SREBF1: variants seen among roughly 807,000 people sequenced by gnomAD.
The protein encoded by SREBF1 is sterol regulatory element-binding protein 1.
In SREBF1, 45 loss-of-function variants were observed where a neutral mutation model predicts 100.1. The observed-to-expected ratio is 0.45, with a 90% CI of 0.35 to 0.58. The LOEUF (loss-of-function observed/expected upper bound fraction) is 0.58. Ranked by LOEUF, SREBF1 falls within the 20% of genes least tolerant of loss-of-function variation. The probability of loss-of-function intolerance (pLI) is 0.00; values close to 1 mark genes in which losing one functional copy is unlikely to be tolerated. For missense variants in SREBF1, 1,324 were observed against 1,539.4 expected (o/e 0.86, Z 2.34); for synonymous variants, 657 against 681.8 (o/e 0.96, Z 0.57).
chr17:17,820,072 G>A lies in SREBF1; in HGVS notation c.523+18C>T, dbSNP rs767798892. On this transcript the variant is annotated intron_variant, in intron 2 of 18. Coordinates refer to ENST00000261646, the MANE Select transcript of SREBF1 (RefSeq NM_004176.5). ...AGCCCCACCCCGGGTGTCCCCTCCCGCCACACATCCCCCTTACCTGTAGAG... is the reference window on the plus strand; with the variant it reads ...AGCCCCACCCCGGGTGTCCCCTCCCACCACACATCCCCCTTACCTGTAGAG... 25 of 1,603,624 alleles carry A rather than the reference G, an allele frequency of 1.6e-5. No individual in the cohort carries two copies. Among genetic ancestry groups the A allele is most frequent in the African/African-American group, 4.0e-5 (3 of 74,682 alleles).
At position 17,815,964 on chromosome 17, in the gene SREBF1, A is replaced by C. The variant is rs990976202; in HGVS notation, c.2279T>G (p.Met760Arg). 1 of 1,612,842 alleles carries C rather than the reference A, an allele frequency of 6.2e-7. No homozygotes were observed. Among genetic ancestry groups the C allele is most frequent in the Non-Finnish European group, 8.5e-7 (1 of 1,179,900 alleles). Residue 760 changes from methionine to arginine, a missense_variant, in exon 12 of 19, where the codon ATG becomes AGG. Transcript: ENST00000261646. ...GCCCACGGGGTGGCAGAGCCACTGC[A>C]TGGCAGGAGGCACTGAGCCACTCTG... ...LAQSGSVPPA[M>R]QWLCHPVGHR...
At chr17:17,820,013 C>A in intron 2 of SREBF1, 77 bp downstream of exon 2, 2 of 1,464,658 alleles carry the variant, frequency 1.4e-6, no homozygotes, top group Non-Finnish European at 1.8e-6. Context: ...CCTCTACTCA[C>A]ATCACAGCAG....
chr17:17,812,757 C>T lies in SREBF1; in HGVS notation c.3309G>A (p.Ser1103=), dbSNP rs1419019785. 2 of 1,542,798 alleles carry T rather than the reference C, an allele frequency of 1.3e-6. No homozygotes were observed. The highest frequency in any genetic ancestry group is 8.7e-7 in the Non-Finnish European group (1 of 1,144,158). Residue 1103 remains serine (S), a synonymous_variant, in exon 19 of 19, where the codon TCG becomes TCA. Coordinates refer to ENST00000261646, the MANE Select transcript of SREBF1 (RefSeq NM_004176.5). ...ASCYLPPGFL[S]APGQRVGMLA... is the part of the protein sequence containing the mutation. ...GCATGCCCACGCGCTGCCCGGGCGC[C>T]GACAGGAAGCCGGGGGGCAGGTAGC...
chr17:17,813,655 C>A lies in SREBF1; in HGVS notation c.3016G>T (p.Ala1006Ser), dbSNP rs577962730. The stretch of plus-strand genomic sequence containing the variant: ...AAGCCACGCAGCTCAAGGGCGGAAG[C>A]CTGGGGCCTGCTGCTGGTGCCCTGG... ...AAQGTSSRPQ[A>S]SALELRGFQR... Residue 1006 changes from alanine to serine, a missense_variant, in exon 17 of 19, where the codon GCT (alanine) becomes TCT (serine). Coordinates refer to ENST00000261646, the MANE Select transcript of SREBF1 (RefSeq NM_004176.5). 9.0e-5 allele frequency: 140 copies of A among 1,559,648 alleles called. No individual in the cohort carries two copies. In the South Asian group the frequency reaches 1.5e-3, roughly 17 times the overall value.
At chr17:17,823,932 A>G (rs2034316611) in intron 1 of SREBF1, among the ~76,000 whole-genome samples, 1 of 152,018 alleles carries the variant, frequency 6.6e-6, no homozygotes, top group Non-Finnish European at 1.5e-5. Flanking sequence ...TGCCGGGGTT[A>G]CTGGCGGTCA....
intron 1 of SREBF1, among the ~76,000 whole-genome samples, chr17:17,830,231 G>A (rs1388628394): frequency 6.6e-6 from 1 of 152,118 alleles, no homozygotes; most frequent in Non-Finnish European, 1.5e-5. Flanking sequence ...GCCTTGCTAT[G>A]TTGCCCAGGC....
Position 17,816,198 on chromosome 17 carries a change from C to CCCCCCCACCCCCGCCACCCCACACCCCGG in SREBF1, c.2214+8_2214+9insCCGGGGTGTGGGGTGGCGGGGGTGGGGGG. ...CAGGGATAAGCCCCCAGCCCCCCAACCCACTCACTGTCAGAAAATGCAAGG... is the reference window on the plus strand; with the variant it reads ...CAGGGATAAGCCCCCAGCCCCCCAACCCCCCCACCCCCGCCACCCCACACCCCGGCCACTCACTGTCAGAAAATGCAAGG... On this transcript the variant is annotated intron_variant, in intron 11 of 18. Coordinates refer to ENST00000261646, the MANE Select transcript of SREBF1 (RefSeq NM_004176.5). 1 of 1,512,920 alleles carries CCCCCCCACCCCCGCCACCCCACACCCCGG rather than the reference C, an allele frequency of 6.6e-7. No homozygotes were observed. Among genetic ancestry groups the CCCCCCCACCCCCGCCACCCCACACCCCGG allele is most frequent in the Non-Finnish European group, 9.0e-7 (1 of 1,112,208 alleles). 93.7% of individuals were successfully genotyped at this position (1,512,920 alleles called of 1,614,324 possible). A position where few individuals can be genotyped will look rare whatever the true frequency, so the allele number is the denominator to read the frequency against.
At chr17:17,826,885 CT>C (rs931493035) in intron 1 of SREBF1, among the ~76,000 whole-genome samples, 2 of 152,238 alleles carry the variant, frequency 1.3e-5, no homozygotes, top group Admixed American at 1.3e-4. Context: ...CAAACAAGGC[CT>C]TGAACCCCAA....
chr17:17,813,515 A>G (rs1280374863), intron 17 of SREBF1, 36 bp from the exon 18 acceptor site: 1 of 1,589,066 alleles, frequency 6.3e-7, no homozygotes, highest in South Asian at 1.1e-5. Context: ...AGGGCTCTCC[A>G]TCTCCACCAC....
chr17:17,823,933 C>G (rs1365069241), intron 1 of SREBF1, among the ~76,000 whole-genome samples: 1 of 152,110 alleles, frequency 6.6e-6, no homozygotes, highest in Non-Finnish European at 1.5e-5. Context: ...GCCGGGGTTA[C>G]TGGCGGTCAC....
Position 17,813,493 on chromosome 17 carries a change from G to C in SREBF1, c.3103-14C>G. Reference sequence around the variant, plus strand: ...ATGTAGGAACACCTGGGGGCCAGGAGAGTGGAGGCTCAGGGCTCTCCATCT... The same window carrying C: ...ATGTAGGAACACCTGGGGGCCAGGACAGTGGAGGCTCAGGGCTCTCCATCT... On this transcript the variant is annotated splice_polypyrimidine_tract_variant and intron_variant, in intron 17 of 18. Transcript: ENST00000261646. The C allele has an allele frequency of 6.3e-7, 1 of 1,592,820 alleles. No homozygotes were observed. The highest frequency in any genetic ancestry group is 8.5e-7 in the Non-Finnish European group (1 of 1,169,736).
In SREBF1 at chr17:17,816,386, C is replaced by T. The variant is rs759764219; in HGVS notation, c.2048-13G>A. On this transcript the variant is annotated splice_polypyrimidine_tract_variant and intron_variant, in intron 10 of 18. Transcript: ENST00000261646. ...CCTGTGTGCTTCCCTGGAAGGCAAG[C>T]AGGCATGAGGCTGTGGGTGGAGCAC... is the stretch of plus-strand genomic sequence containing the variant. 6.3e-7 allele frequency: 1 copy of T among 1,593,202 alleles called. No homozygotes were observed. Among genetic ancestry groups the T allele is most frequent in the South Asian group, 1.1e-5 (1 of 88,174 alleles).
Position 17,811,810 on chromosome 17 carries a change from A to AGAAG in SREBF1, c.*808_*811dup, listed in dbSNP as rs1269066995. The AGAAG allele has an allele frequency of 6.6e-6, 3 of 451,828 alleles. No homozygotes were observed. The highest frequency in any genetic ancestry group is 1.3e-5 in the Non-Finnish European group (3 of 224,962). The allele number at this position is 451,828 out of a possible 1,614,324, so 28.0% of individuals were successfully genotyped here. A position where few individuals can be genotyped will look rare whatever the true frequency, so the allele number is the denominator to read the frequency against. On this transcript the variant is annotated 3_prime_UTR_variant, in exon 19 of 19. Transcript: ENST00000261646. ...CTGATGGGGACAGAGCTGGGAGGTGAGAAGGGACAACTGACCCCATGGAGG... is the reference window on the plus strand; with the variant it reads ...CTGATGGGGACAGAGCTGGGAGGTGAGAAGGAAGGGACAACTGACCCCATGGAGG...
intron 1 of SREBF1, 79 bp downstream of exon 1, chr17:17,836,648 A>G: frequency 7.1e-7 from 1 of 1,418,336 alleles, no homozygotes; most frequent in Non-Finnish European, 9.6e-7. Context: ...CGTGGGGGAG[A>G]CAAAGGCCAG....
chr17:17,815,122 T>C, intron 13 of SREBF1, 99 bp downstream of exon 13: 1 of 1,303,046 alleles, frequency 7.7e-7, no homozygotes, highest in Non-Finnish European at 1.1e-6. Context: ...GCACGCACGG[T>C]AGCCCAGCTC....
rs756329553 is a variant in SREBF1 at position 17,818,273 on chromosome 17, A to G, written c.1170T>C (p.Ala390=). The G allele has an allele frequency of 4.6e-5, 75 of 1,613,808 alleles. No homozygotes were observed. Among genetic ancestry groups the G allele is most frequent in the Non-Finnish European group, 6.3e-5 (74 of 1,179,978 alleles). ...GCCAGGACTCACTGCTTTTGTGGAC[A>G]GCAGTGCGCAGACTTAGGTTCTCCT... is the stretch of plus-strand genomic sequence containing the variant. The part of the protein sequence containing the change: ...LKQENLSLRT[A]VHKSKSLKDL... Residue 390 remains alanine (A), a synonymous_variant, in exon 6 of 19, where the codon GCT becomes GCC. Transcript: ENST00000261646.
rs558891176 is a variant in SREBF1 at position 17,811,833 on chromosome 17, A to G, written c.*789T>C. 4 of 449,386 alleles carry G rather than the reference A, an allele frequency of 8.9e-6. No individual in the cohort carries two copies. The East Asian group carries it at 2.9e-4, about 33-fold the overall frequency. The allele number at this position is 449,386 out of a possible 1,614,324, so 27.8% of individuals were successfully genotyped here. ...TGAGAAGGGACAACTGACCCCATGG[A>G]GGCCCTAAGGGTTGACACAGCCCAA... is the stretch of plus-strand genomic sequence containing the variant. On this transcript the variant is annotated 3_prime_UTR_variant, in exon 19 of 19. Transcript: ENST00000261646.
rs975940148 is a variant in SREBF1, at chr17:17,836,617, G to T, written c.91+110C>A. 9 of 1,112,158 alleles carry T rather than the reference G, an allele frequency of 8.1e-6. No individual in the cohort carries two copies. The Admixed American group carries it at 1.0e-4, about 13-fold the overall frequency. 68.9% of individuals were successfully genotyped at this position (1,112,158 alleles called of 1,614,324 possible). ...AGAGACACCGGGAAGTCCCGCGCGA[G>T]CACAGCACGGAGCTGGCGCCCGTGG... On this transcript the variant is annotated intron_variant, in intron 1 of 18. Coordinates refer to ENST00000261646, the MANE Select transcript of SREBF1 (RefSeq NM_004176.5).
At chr17:17,813,813 T>G in intron 16 of SREBF1, 44 bp from the exon 17 acceptor site, 1 of 1,526,714 alleles carries the variant, frequency 6.6e-7, no homozygotes, top group Non-Finnish European at 8.8e-7. Flanking sequence ...GCTCCAGCTC[T>G]GGGAGGGGCA....
Sources: gnomAD v4.1 joint callset for allele counts (sites outside exome capture counted in the v4.1 genomes callset) on GRCh38, gnomAD v4.1.1 for gene constraint, MANE v1.5 for transcripts, NCBI Gene and HGNC (gene_info 2026-07-23, HGNC 2026-07-21) for gene names.